Variants in USP25 observed in about 807,000 individuals in gnomAD.
USP25 encodes ubiquitin specific peptidase 25.
USP25 carries 85 observed loss-of-function variants against 158.5 expected under a neutral mutation model. That is an observed-to-expected ratio of 0.54 (90% CI 0.45 to 0.64). The LOEUF (loss-of-function observed/expected upper bound fraction) is 0.64. USP25 is among the 30% of genes least tolerant of loss of function. The pLI is 0.00. For synonymous variants in USP25, 464 were observed against 460.4 expected (o/e 1.01, Z -0.10); for missense variants, 1,242 against 1,327.3 (o/e 0.94, Z 1.00).
At chr21:15,810,956 G>A (rs1404229928) in intron 8 of USP25, among the ~76,000 whole-genome samples, 181 bp from the exon 9 acceptor site, 1 of 152,178 alleles carries the variant, frequency 6.6e-6, no homozygotes, top group African/African-American at 2.4e-5. Context: ...CAGTTGACAG[G>A]TAAAGAAATG....
Position 15,799,838 on chromosome 21 carries a change from C to G in USP25, c.637C>G (p.Gln213Glu), listed in dbSNP as rs2036042789. 1 of 1,600,632 alleles carries G rather than the reference C, an allele frequency of 6.2e-7. No homozygotes were observed. Among genetic ancestry groups the G allele is most frequent in the East Asian group, 2.2e-5 (1 of 44,594 alleles). The change falls in exon 6 of 26, where the codon CAA becomes GAA. Residue 213 changes from glutamine to glutamate, a missense_variant. By Grantham distance (29) the Gln-to-Glu change is conservative. This residue lies in a region of USP25 where 627 missense variants were observed against 701.4 expected (regional missense o/e 0.89). Transcript: ENST00000400183. ...PSNAQDLPRN[Q>E]KEHRNLPFMR... ...AAATGCTCAAGATTTACCCCGAAACCAAAAGGTAAAATTCAAAAGATTTTT... is the reference window on the plus strand; with the variant it reads ...AAATGCTCAAGATTTACCCCGAAACGAAAAGGTAAAATTCAAAAGATTTTT...
chr21:15,759,995 T>C (rs2033632560), intron 1 of USP25, among the ~76,000 whole-genome samples: 2 of 152,288 alleles, frequency 1.3e-5, no homozygotes, highest in Non-Finnish European at 2.9e-5. Flanking sequence ...TTAGGTAGCT[T>C]GGTTATCTCA....
At chr21:15,829,932 G>C (rs1177591437) in intron 14 of USP25, among the ~76,000 whole-genome samples, 1 of 152,088 alleles carries the variant, frequency 6.6e-6, no homozygotes. Flanking sequence ...TGGTTCAGCA[G>C]CTTCACAATA....
rs151224601 is a variant in USP25 at position 15,832,265 on chromosome 21, T to G, written c.1993+636T>G. Among the ~76,000 whole-genome samples, 583 of 152,210 alleles carry G rather than the reference T, an allele frequency of 3.8e-3. 4 individuals are homozygous for G. Among genetic ancestry groups the G allele is most frequent in the African/African-American group, 0.013 (555 of 41,578 alleles). ...TGTGTGATGACTTGTCTTGCACATT[T>G]CTCTCTTATCTGCTCAGAGCCAGAG... On this transcript the variant is annotated intron_variant, in intron 16 of 25. Transcript: ENST00000400183.
intron 4 of USP25, among the ~76,000 whole-genome samples, chr21:15,789,778 T>C (rs2123600635): frequency 1.3e-5 from 2 of 152,178 alleles, no homozygotes; most frequent in Middle Eastern, 3.4e-3. Flanking sequence ...AACGTCTAAA[T>C]ATACATATAT....
chr21:15,758,550 C>T (rs569675790), intron 1 of USP25, among the ~76,000 whole-genome samples: 1 of 152,288 alleles, frequency 6.6e-6, no homozygotes, highest in African/African-American at 2.4e-5. Context: ...GAGGCCTTCC[C>T]AGCCATGTGG....
At chr21:15,845,628 G>A (rs1443683954) in intron 18 of USP25, among the ~76,000 whole-genome samples, 2 of 152,184 alleles carry the variant, frequency 1.3e-5, no homozygotes, top group African/African-American at 4.8e-5. Context: ...AATCTGTTTT[G>A]TAAGGATTAA....
intron 17 of USP25, among the ~76,000 whole-genome samples, chr21:15,838,872 T>C (rs1233121465): frequency 1.3e-5 from 2 of 152,112 alleles, no homozygotes; most frequent in African/African-American, 4.8e-5. Context: ...CCAGGAAATA[T>C]GCATAAGTAA....
chr21:15,839,710 A>G (rs1249194023), intron 17 of USP25, among the ~76,000 whole-genome samples: 1 of 152,034 alleles, frequency 6.6e-6, no homozygotes, highest in Non-Finnish European at 1.5e-5. Flanking sequence ...CAGTTTTTTT[A>G]TACGGACTTT....
intron 16 of USP25, 78 bp downstream of exon 16, chr21:15,831,707 T>A: frequency 8.6e-7 from 1 of 1,166,678 alleles, no homozygotes; most frequent in Non-Finnish European, 1.3e-6. Flanking sequence ...TAGTTAAGTG[T>A]AATTCACTCA....
intron 8 of USP25, 103 bp from the exon 9 acceptor site, chr21:15,811,034 A>G (rs2036632973): frequency 1.0e-6 from 1 of 975,008 alleles, no homozygotes; most frequent in African/African-American, 1.7e-5. Context: ...CGTGATAGCC[A>G]CATAAGTGTT....
intron 15 of USP25, among the ~76,000 whole-genome samples, chr21:15,830,849 G>A (rs1385789215): frequency 5.9e-5 from 9 of 152,030 alleles, no homozygotes; most frequent in Non-Finnish European, 8.8e-5. Context: ...TTTTCACACC[G>A]TATGTGTTGT....
At chr21:15,771,424 TAC>T (rs2034344171) in intron 3 of USP25, among the ~76,000 whole-genome samples, 1 of 152,136 alleles carries the variant, frequency 6.6e-6, no homozygotes, top group South Asian at 2.1e-4. Context: ...CTCGTATTTG[TAC>T]AGATACCTGA....
chr21:15,811,496 A>C (rs1271806857), intron 9 of USP25, among the ~76,000 whole-genome samples: 1 of 152,168 alleles, frequency 6.6e-6, no homozygotes, highest in Non-Finnish European at 1.5e-5. Context: ...TACAGGGATT[A>C]ATGGGATGGT....
At chr21:15,742,750 A>G (rs1293115205) in intron 1 of USP25, among the ~76,000 whole-genome samples, 1 of 151,910 alleles carries the variant, frequency 6.6e-6, no homozygotes, top group African/African-American at 2.4e-5. Flanking sequence ...CCAGCAAGAA[A>G]CCTCTAAGGC....
chr21:15,847,718 C>T lies in USP25; in HGVS notation c.2393C>T (p.Ala798Val), dbSNP rs575834375. ...PLSNQRVVEV[A>V]IPHVGKFMIE... ...TCTAATCAGCGAGTTGTAGAGGTGG[C>T]GATCCCTCATGTAGGGAAATTTATG... Residue 798 changes from alanine (A) to valine (V), a missense_variant, in exon 19 of 26, where the codon GCG (alanine) becomes GTG (valine). This residue lies in a region of USP25 where 608 missense variants were observed against 605.2 expected (regional missense o/e 1.00). Transcript: ENST00000400183. The T allele has an allele frequency of 8.4e-6, 13 of 1,549,984 alleles. No homozygotes were observed. Among genetic ancestry groups the T allele is most frequent in the Admixed American group, 3.9e-5 (2 of 50,986 alleles).
chr21:15,798,226 C>T (rs1344959823), intron 5 of USP25, among the ~76,000 whole-genome samples: 1 of 151,214 alleles, frequency 6.6e-6, no homozygotes, highest in Admixed American at 6.6e-5. Flanking sequence ...TATTGCTAAT[C>T]TTGTCCTCCT....
intron 1 of USP25, among the ~76,000 whole-genome samples, chr21:15,748,054 T>G (rs1282352771): frequency 6.6e-6 from 1 of 152,224 alleles, no homozygotes; most frequent in Admixed American, 6.5e-5. Flanking sequence ...TCTAAGTGTT[T>G]TCTTAATTTG....
intron 22 of USP25, among the ~76,000 whole-genome samples, chr21:15,867,050 G>A (rs2039688920): frequency 1.3e-5 from 2 of 152,116 alleles, no homozygotes; most frequent in Admixed American, 1.3e-4. Context: ...AGACAGTGTT[G>A]TGTGTGAGAG....
Sources: allele counts gnomAD v4.1 joint callset (sites outside exome capture counted in the v4.1 genomes callset), GRCh38; gene constraint gnomAD v4.1.1; regional missense constraint gnomAD v4.1.1; transcripts MANE v1.5; gene names NCBI Gene and HGNC (gene_info 2026-07-23, HGNC 2026-07-21).